Variants in WDR83 observed in about 807,000 individuals in gnomAD.
WDR83 encodes WD repeat domain 83, also known as WD repeat domain-containing protein 83.
In WDR83, 37 loss-of-function variants were observed where a neutral mutation model predicts 37.7. The ratio of observed to expected loss-of-function variants is 0.98; its 90% CI spans 0.76 to 1.29. The LOEUF (loss-of-function observed/expected upper bound fraction) is 1.29, where lower values mean the gene tolerates loss of function less well. Ranked by LOEUF, WDR83 falls within the 50% of genes most tolerant of loss-of-function variation. The pLI is 0.00. For missense variants in WDR83, 445 were observed against 414.4 expected (o/e 1.07, Z -0.64); for synonymous variants, 174 against 181.1 (o/e 0.96, Z 0.31).
At chr19:12,674,130 C>T (rs573388588) in intron 10 of WDR83, among the ~76,000 whole-genome samples, 34 of 152,148 alleles carry the variant, frequency 2.2e-4, no homozygotes, top group Non-Finnish European at 4.4e-4. Flanking sequence ...CGGCAAGATC[C>T]GGGGTCAGGC....
rs2024383857 is a variant in WDR83, at chr19:12,670,603, T to C, written c.371T>C (p.Ile124Thr). The C allele has an allele frequency of 3.1e-6, 5 of 1,614,222 alleles. No individual in the cohort carries two copies. The highest frequency in any genetic ancestry group is 1.7e-5 in the Admixed American group (1 of 60,016). Residue 124 changes from isoleucine to threonine, a missense_variant, in exon 6 of 11, where the codon ATC becomes ACC. Coordinates refer to ENST00000418543, the MANE Select transcript of WDR83 (RefSeq NM_001099737.3). Reference sequence around the variant, plus strand: ...CAGTTTAATGAAGAGGCCACAGTTATCCTGTCCGGTGAGTCTGGGGCCTAA... The same window carrying C: ...CAGTTTAATGAAGAGGCCACAGTTACCCTGTCCGGTGAGTCTGGGGCCTAA... ...TVQFNEEATV[I>T]LSGSIDSSIR...
At position 12,669,838 on chromosome 19, in the gene WDR83, A is replaced by G. The variant is rs768857145; in HGVS notation, c.48A>G (p.Lys16=). ...CGCGGCCTCCAGAGCTGCCGCAGAA[A>G]CGGTTGAAGACGCTGGACTGCGGGC... ...PKPRPPELPQ[K]RLKTLDCGQG... Residue 16 remains lysine, a synonymous_variant, in exon 3 of 11, where the codon AAA becomes AAG. Coordinates refer to ENST00000418543, the MANE Select transcript of WDR83 (RefSeq NM_001099737.3). The G allele has an allele frequency of 6.2e-7, 1 of 1,612,088 alleles. No individual in the cohort carries two copies. The highest frequency in any genetic ancestry group is 1.7e-5 in the Admixed American group (1 of 59,736).
chr19:12,673,034 C>A lies in WDR83; in HGVS notation c.601C>A (p.Arg201=). Residue 201 remains arginine, a synonymous_variant, in exon 9 of 11, where the codon CGG becomes AGG. Coordinates refer to ENST00000418543, the MANE Select transcript of WDR83 (RefSeq NM_001099737.3). ...CCCCATCACCTGCACCTGCTTCAGC[C>A]GGGATGGGCAGTGCACCCTGGTGTC... ...GSPITCTCFS[R]DGQCTLVSSL... is the part of the protein sequence containing the mutation. 3.1e-6 allele frequency: 5 copies of A among 1,613,648 alleles called. No individual in the cohort carries two copies. Among genetic ancestry groups the A allele is most frequent in the Non-Finnish European group, 4.2e-6 (5 of 1,179,664 alleles).
chr19:12,669,815 C>T lies in WDR83; in HGVS notation c.25C>T (p.Arg9Trp), dbSNP rs527346438. Reference sequence around the variant, plus strand: ...CATGGCTTTCCCTGAGCCAAAGCCGCGGCCTCCAGAGCTGCCGCAGAAACG... The same window carrying T: ...CATGGCTTTCCCTGAGCCAAAGCCGTGGCCTCCAGAGCTGCCGCAGAAACG... MAFPEPKPRPPELPQKRLK... is the reference protein window; with the variant it reads MAFPEPKPWPPELPQKRLK... Residue 9 changes from arginine (R) to tryptophan (W), a missense_variant, in exon 3 of 11, where the codon CGG (arginine) becomes TGG (tryptophan). Arg to Trp is a moderately radical substitution (Grantham distance 101, BLOSUM62 -3). Coordinates refer to ENST00000418543, the MANE Select transcript of WDR83 (RefSeq NM_001099737.3). The T allele has an allele frequency of 6.2e-6, 10 of 1,610,130 alleles. No homozygotes were observed. In the South Asian group the frequency reaches 8.8e-5, roughly 14 times the overall value.
At chr19:12,672,660 G>A in intron 7 of WDR83, 187 bp from the exon 8 acceptor site, 1 of 619,474 alleles carries the variant, frequency 1.6e-6, no homozygotes, top group Non-Finnish European at 2.9e-6. Context: ...GCTTGGAAAG[G>A]GGGTGTGGGT....
chr19:12,669,827 C>A lies in WDR83; in HGVS notation c.37C>A (p.Leu13Met), dbSNP rs1191655718. The part of the protein sequence containing the change: ...FPEPKPRPPE[L>M]PQKRLKTLDC... ...TGAGCCAAAGCCGCGGCCTCCAGAG[C>A]TGCCGCAGAAACGGTTGAAGACGCT... The change falls in exon 3 of 11, where the codon CTG becomes ATG. Residue 13 changes from leucine (L) to methionine (M), a missense_variant. Coordinates refer to ENST00000418543, the MANE Select transcript of WDR83 (RefSeq NM_001099737.3). The A allele has an allele frequency of 2.5e-6, 4 of 1,611,782 alleles. No homozygotes were observed. The highest frequency in any genetic ancestry group is 2.5e-6 in the Non-Finnish European group (3 of 1,178,948).
chr19:12,668,632 G>C lies in WDR83; in HGVS notation c.-37+5G>C, dbSNP rs772979466. 1.2e-6 allele frequency: 2 copies of C among 1,612,326 alleles called. No individual in the cohort carries two copies. The highest frequency in any genetic ancestry group is 1.7e-5 in the Admixed American group (1 of 59,916). On this transcript the variant is annotated splice_donor_5th_base_variant and intron_variant, in intron 2 of 10. Transcript: ENST00000418543. ...CACCACTTCAGCTAGGGAAAGGTAA[G>C]TGGGTGGGCAGGTTAGTGAAAGGCA...
intron 5 of WDR83, 70 bp downstream of exon 5, chr19:12,670,355 C>A (rs965509846): frequency 3.9e-6 from 6 of 1,548,452 alleles, no homozygotes; most frequent in Non-Finnish European, 5.3e-6. Flanking sequence ...GGTGACACGG[C>A]CACCCCCATT....
Position 12,670,730 on chromosome 19 carries a change from C to G in WDR83, c.415C>G (p.Arg139Gly), listed in dbSNP as rs373141898. The G allele has an allele frequency of 1.9e-6, 3 of 1,614,058 alleles. No homozygotes were observed. The highest frequency in any genetic ancestry group is 1.3e-5 in the African/African-American group (1 of 74,928). ...IDSSIRCWDC[R>G]SRRPEPVQTL... ...TTCCAGTATCCGCTGTTGGGATTGC[C>G]GCTCACGGAGGCCTGAGCCAGTGCA... Residue 139 changes from arginine (R) to glycine (G), a missense_variant, in exon 7 of 11, where the codon CGC (arginine) becomes GGC (glycine). Transcript: ENST00000418543.
chr19:12,669,281 TAGAC>T (rs775773727), intron 2 of WDR83: 1 of 1,609,416 alleles, frequency 6.2e-7, no homozygotes, highest in Non-Finnish European at 8.5e-7. Flanking sequence ...GCCCCCGGGA[TAGAC>T]AGGCGCTTCC....
At chr19:12,673,398 G>T in intron 10 of WDR83, 82 bp downstream of exon 10, 16 of 500,116 alleles carry the variant, frequency 3.2e-5, no homozygotes, top group East Asian at 9.3e-5. Flanking sequence ...TCCAGGGCCT[G>T]AAGGCTAGGA....
At chr19:12,668,278 G>C in intron 1 of WDR83, 1 of 1,437,808 alleles carries the variant, frequency 7.0e-7, no homozygotes, top group African/African-American at 1.4e-5. Context: ...CAGGATGGCA[G>C]CTGAAGGCAG....
At chr19:12,669,074 C>G in intron 2 of WDR83, 1 of 1,581,726 alleles carries the variant, frequency 6.3e-7, no homozygotes, top group Admixed American at 1.7e-5. Flanking sequence ...CAAACCCGCC[C>G]CCGGGCCTCG....
Position 12,673,094 on chromosome 19 carries a change from GAC to G in WDR83, c.665_666del (p.Thr222ArgfsTer11). The G allele has an allele frequency of 1.2e-6, 2 of 1,613,200 alleles. No homozygotes were observed. The highest frequency in any genetic ancestry group is 8.5e-7 in the Non-Finnish European group (1 of 1,179,352). ...LDSTLRLLDK[D>X]TGELLGEYKG... is the part of the protein sequence containing the mutation. Reference sequence around the variant, plus strand: ...CTCCACATTGCGGCTCCTGGACAAAGACACAGGGGAGCTGCTGGGCGAGTGAG... The same window carrying G: ...CTCCACATTGCGGCTCCTGGACAAAGACAGGGGAGCTGCTGGGCGAGTGAG... On this transcript the variant is annotated frameshift_variant, in exon 9 of 11. Transcript: ENST00000418543. LOFTEE classifies it high-confidence loss of function.
intron 2 of WDR83, 68 bp downstream of exon 2, chr19:12,668,695 G>T: frequency 8.3e-7 from 1 of 1,211,384 alleles, no homozygotes; most frequent in Non-Finnish European, 1.2e-6. Flanking sequence ...CCAGACACCA[G>T]ATCATGCCCA....
At chr19:12,667,413 G>A (rs2024284027) in intron 1 of WDR83, among the ~76,000 whole-genome samples, 1 of 152,228 alleles carries the variant, frequency 6.6e-6, no homozygotes, top group Non-Finnish European at 1.5e-5. Context: ...CTGGGAGTTT[G>A]AGACCAGCCT....
At chr19:12,669,517 A>C in intron 2 of WDR83, 1 of 1,316,838 alleles carries the variant, frequency 7.6e-7, no homozygotes, top group Non-Finnish European at 1.1e-6. Flanking sequence ...TCCGTTCCTC[A>C]TGACAGAGGC....
chr19:12,672,994 A>G lies in WDR83; in HGVS notation c.575-14A>G, dbSNP rs112245780. 6.9e-3 allele frequency: 10,893 copies of G among 1,574,024 alleles called. 617 individuals carry two copies. The African/African-American group carries it at 0.13, about 18-fold the overall frequency. On this transcript the variant is annotated splice_polypyrimidine_tract_variant and intron_variant, in intron 8 of 10. Transcript: ENST00000418543. The stretch of plus-strand genomic sequence containing the variant: ...GCACCCCACCCTCACTCACCTACCC[A>G]CCCTTCCCCCAAGGCCCCATCACCT...
intron 7 of WDR83, chr19:12,672,531 C>G (rs1277872732): frequency 5.6e-6 from 2 of 356,248 alleles, no homozygotes; most frequent in East Asian, 1.2e-4. Context: ...TCTCTTGAAC[C>G]CGGGAGGCAG....
Sources: gnomAD v4.1 joint callset for allele counts (sites outside exome capture counted in the v4.1 genomes callset) on GRCh38, gnomAD v4.1.1 for gene constraint, MANE v1.5 for transcripts, NCBI Gene and HGNC (gene_info 2026-07-23, HGNC 2026-07-21) for gene names.